The following TJP3 variants were observed in gnomAD, a reference collection of about 807,000 sequenced individuals.
TJP3 encodes tight junction protein 3.
TJP3 carries 85 observed loss-of-function variants against 104.2 expected under a neutral mutation model. The observed-to-expected ratio is 0.82, with a 90% CI of 0.68 to 0.98. The LOEUF (loss-of-function observed/expected upper bound fraction) is 0.98. Among genes scored for constraint, TJP3 ranks in the 50% least tolerant of loss-of-function variants. TJP3 has a pLI of 0.00. For synonymous variants in TJP3, 550 were observed against 550.6 expected (o/e 1.00, Z 0.02); for missense variants, 1,367 against 1,322.8 (o/e 1.03, Z -0.52).
chr19:3,746,750 C>T lies in TJP3; in HGVS notation c.2222-26C>T, dbSNP rs2036899141. On this transcript the variant is annotated intron_variant, in intron 17 of 20. Transcript: ENST00000541714. The surrounding 1 kb of genome is among the most constrained non-coding windows in gnomAD (Gnocchi z 4.1). ...GGTGGGCCCCAGCCTGAGTCTCCTG[C>T]ACACACTGACGTCCCCTCCCTGCAG... 2 of 1,600,522 alleles carry T rather than the reference C, an allele frequency of 1.2e-6. No individual in the cohort carries two copies. The highest frequency in any genetic ancestry group is 1.3e-5 in the African/African-American group (1 of 74,754).
Position 3,736,327 on chromosome 19 carries a change from C to A in TJP3, c.1284+6C>A. On this transcript the variant is annotated splice_donor_region_variant and intron_variant, in intron 11 of 20. Transcript: ENST00000541714. ...AGGGAGATCAGATTCTGCAGGTGCT[C>A]CGGGGGCGGCTGGCCAGCCCCACTG... The A allele has an allele frequency of 6.6e-7, 1 of 1,522,620 alleles. No individual in the cohort carries two copies. The highest frequency in any genetic ancestry group is 1.4e-5 in the African/African-American group (1 of 72,292). 94.3% of individuals were successfully genotyped at this position (1,522,620 alleles called of 1,614,324 possible).
chr19:3,738,689 C>T, intron 12 of TJP3, 26 bp downstream of exon 12: 2 of 1,593,388 alleles, frequency 1.3e-6, no homozygotes, highest in Non-Finnish European at 1.7e-6. Flanking sequence ...TATGGGTGTG[C>T]CTGTGTGTTG....
intron 11 of TJP3, 71 bp from the exon 12 acceptor site, chr19:3,738,484 A>G: frequency 7.4e-7 from 1 of 1,358,160 alleles, no homozygotes; most frequent in Non-Finnish European, 1.0e-6. Flanking sequence ...TGCCCAGAGG[A>G]AGGTCCAGGA....
At chr19:3,731,902 T>C (rs1341107450) in intron 5 of TJP3, 33 bp from the exon 6 acceptor site, 25 of 1,594,008 alleles carry the variant, frequency 1.6e-5, no homozygotes, top group Non-Finnish European at 2.1e-5. Flanking sequence ...GTCTCCAGAG[T>C]CCTGCCTCAG....
chr19:3,732,398 G>A (rs371409491), intron 6 of TJP3, among the ~76,000 whole-genome samples: 3 of 152,074 alleles, frequency 2.0e-5, no homozygotes, highest in Non-Finnish European at 4.4e-5. Context: ...CTGCCCTAAA[G>A]GATGGTATCT....
At chr19:3,734,720 C>T (rs1193812066) in intron 8 of TJP3, among the ~76,000 whole-genome samples, 2 of 152,030 alleles carry the variant, frequency 1.3e-5, no homozygotes, top group Admixed American at 6.6e-5. Context: ...TTTGGGAGGC[C>T]GAGGAGGGTG....
At chr19:3,720,668 C>T (rs541435766) in intron 1 of TJP3, among the ~76,000 whole-genome samples, 2 of 152,050 alleles carry the variant, frequency 1.3e-5, no homozygotes, top group Admixed American at 6.6e-5. Context: ...CGACCAGCCC[C>T]GCCCACCCAG....
At chr19:3,719,720 G>A (rs1459856987) in intron 1 of TJP3, among the ~76,000 whole-genome samples, 1 of 133,396 alleles carries the variant, frequency 7.5e-6, no homozygotes, top group East Asian at 2.2e-4. Flanking sequence ...GCGACAGAGC[G>A]AGACTCCGTC....
At chr19:3,740,853 A>G in intron 14 of TJP3, 90 bp downstream of exon 14, 1 of 1,294,720 alleles carries the variant, frequency 7.7e-7, no homozygotes. Flanking sequence ...TAAAAGGCAC[A>G]GTCTTGGCCC....
chr19:3,736,207 G>A lies in TJP3; in HGVS notation c.1170G>A (p.Lys390=). Residue 390 remains lysine (K), a synonymous_variant, in exon 11 of 21, where the codon AAG becomes AAA. Coordinates refer to ENST00000541714, the MANE Select transcript of TJP3 (RefSeq NM_001267560.2). ...DTRVVRFLKG[K]SIGLRLAGGN... Reference sequence around the variant, plus strand: ...GTGTGGTCCGCTTCCTCAAGGGCAAGAGCATCGGGCTGCGGCTGGCAGGGG... The same window carrying A: ...GTGTGGTCCGCTTCCTCAAGGGCAAAAGCATCGGGCTGCGGCTGGCAGGGG... 1.3e-6 allele frequency: 2 copies of A among 1,598,894 alleles called. No individual in the cohort carries two copies. The highest frequency in any genetic ancestry group is 8.5e-7 in the Non-Finnish European group (1 of 1,172,594).
chr19:3,712,598 T>C (rs1456459471), intron 1 of TJP3, among the ~76,000 whole-genome samples: 1 of 152,126 alleles, frequency 6.6e-6, no homozygotes, highest in African/African-American at 2.4e-5. Context: ...GGCTCTGCTT[T>C]TCTCTCTCTG....
rs754340545 is a variant in TJP3 at position 3,736,147 on chromosome 19, C to A, written c.1128-18C>A. 1.3e-6 allele frequency: 2 copies of A among 1,572,912 alleles called. No homozygotes were observed. Among genetic ancestry groups the A allele is most frequent in the Non-Finnish European group, 8.6e-7 (1 of 1,159,452 alleles). On this transcript the variant is annotated intron_variant, in intron 10 of 20. Transcript: ENST00000541714. ...TCCGCCCACTCTGCTCTGACCCCAT[C>A]TCTGCCTCCCCTTGCAGGTACAGCC...
intron 19 of TJP3, among the ~76,000 whole-genome samples, chr19:3,749,418 C>A (rs546727230): frequency 1.9e-4 from 29 of 152,198 alleles, no homozygotes; most frequent in Admixed American, 1.7e-3. Context: ...TAGTTCGTTG[C>A]GGCCTCCAAC....
At chr19:3,708,774 G>T (rs1446649483) in intron 1 of TJP3, among the ~76,000 whole-genome samples, 1 of 152,188 alleles carries the variant, frequency 6.6e-6, no homozygotes, top group Non-Finnish European at 1.5e-5. Flanking sequence ...CTGGCGGCCT[G>T]CCCAGGACGC....
intron 1 of TJP3, among the ~76,000 whole-genome samples, chr19:3,722,123 A>G (rs1001693860): frequency 2.6e-5 from 4 of 152,070 alleles, no homozygotes; most frequent in African/African-American, 9.7e-5. Flanking sequence ...TCCAAAGACC[A>G]TCTCTTCTGG....
intron 1 of TJP3, among the ~76,000 whole-genome samples, chr19:3,719,693 G>T (rs919093372): frequency 2.9e-4 from 41 of 142,684 alleles, no homozygotes; most frequent in Admixed American, 1.8e-3. Flanking sequence ...CCGAGATCGT[G>T]CCTGCAGTCC....
At chr19:3,712,381 C>T (rs561435263) in intron 1 of TJP3, among the ~76,000 whole-genome samples, 1 of 152,236 alleles carries the variant, frequency 6.6e-6, no homozygotes, top group South Asian at 2.1e-4. Flanking sequence ...GGGCAGGGGG[C>T]CCCCTCTAGC....
chr19:3,726,136 GGGA>G (rs1301443140), intron 1 of TJP3, among the ~76,000 whole-genome samples: 1 of 152,242 alleles, frequency 6.6e-6, no homozygotes, highest in African/African-American at 2.4e-5. Context: ...ACCCGCCCCG[GGGA>G]GGAGGAGGAG....
rs751978460 is a variant in TJP3, at chr19:3,747,801, G to C, written c.2330G>C (p.Gly777Ala). ...TCCACACCCACCCCACAGCTGGATG[G>C]CTCCTTGGAGGACAACCTAGACCTC... ...PIWTAEDQLDGSLEDNLDLPH... is the reference protein window; with the variant it reads ...PIWTAEDQLDASLEDNLDLPH... Residue 777 changes from glycine to alanine, a missense_variant, in exon 19 of 21, where the codon GGC becomes GCC. Coordinates refer to ENST00000541714, the MANE Select transcript of TJP3 (RefSeq NM_001267560.2). 3 of 1,590,980 alleles carry C rather than the reference G, an allele frequency of 1.9e-6. No homozygotes were observed. Among genetic ancestry groups the C allele is most frequent in the Non-Finnish European group, 2.6e-6 (3 of 1,171,678 alleles).
Sources: gnomAD v4.1 joint callset for allele counts (sites outside exome capture counted in the v4.1 genomes callset) on GRCh38, gnomAD v4.1.1 for gene constraint, Gnocchi (gnomAD v3.1) non-coding constraint, MANE v1.5 for transcripts, NCBI Gene and HGNC (gene_info 2026-07-23, HGNC 2026-07-21) for gene names.